Variants in TG observed in about 807,000 individuals in gnomAD.
The protein encoded by TG is thyroglobulin.
A neutral mutation model predicts 324.7 loss-of-function variants in TG; 270 were observed. That is an observed-to-expected ratio of 0.83 (90% CI 0.75 to 0.92). The LOEUF is 0.92. Among genes scored for constraint, TG ranks in the 40% least tolerant of loss-of-function variants. The pLI is 0.00. For synonymous variants in TG, 1,401 were observed against 1,327.0 expected (o/e 1.06, Z -1.21); for missense variants, 3,591 against 3,456.4 (o/e 1.04, Z -0.98).
chr8:133,090,536 G>A (rs1203714993), intron 41 of TG, among the ~76,000 whole-genome samples: 2 of 152,332 alleles, frequency 1.3e-5, no homozygotes, highest in Non-Finnish European at 1.5e-5. Flanking sequence ...GTCAGACAGC[G>A]CAAGGGACTT....
intron 35 of TG, among the ~76,000 whole-genome samples, chr8:132,991,744 C>G (rs145195081): frequency 6.6e-6 from 1 of 152,186 alleles, no homozygotes; most frequent in Admixed American, 6.5e-5. Context: ...GAACTCCACT[C>G]CCAAGCCAGG....
chr8:133,075,191 A>C (rs1454685945), intron 41 of TG: 2 of 897,874 alleles, frequency 2.2e-6, no homozygotes. Flanking sequence ...GGCCAGCTTA[A>C]CTCTGGATTC....
chr8:132,888,944 T>C (rs1013233262), intron 10 of TG, among the ~76,000 whole-genome samples: 1 of 152,226 alleles, frequency 6.6e-6, no homozygotes, highest in East Asian at 1.9e-4. Context: ...ATCGCTCCTA[T>C]GTTAGGTGTA....
chr8:133,106,572 G>A (rs771415820), intron 43 of TG: 65 of 496,896 alleles, frequency 1.3e-4, no homozygotes, highest in Middle Eastern at 1.0e-3. Context: ...CGTGGACCTC[G>A]CTGCTCCCCC....
intron 41 of TG, among the ~76,000 whole-genome samples, chr8:133,051,487 A>G (rs1338511266): frequency 6.6e-6 from 1 of 152,216 alleles, no homozygotes; most frequent in Non-Finnish European, 1.5e-5. Context: ...CTCTGAGGTT[A>G]AACAAAATAC....
In TG at chr8:133,023,868, G is replaced by T. The variant is rs62515997; in HGVS notation, c.7036+1718G>T. Among the ~76,000 whole-genome samples, 7 of 152,042 alleles carry T rather than the reference G, an allele frequency of 4.6e-5. No homozygotes were observed. The South Asian group carries it at 1.2e-3, about 27-fold the overall frequency. On this transcript the variant is annotated intron_variant, in intron 40 of 47. Transcript: ENST00000220616. ...GAGAGGCAAACTCATTTTGGCTGCCGGCAGGGGCAGCCTGTGGGAAGGAAA... is the reference window on the plus strand; with the variant it reads ...GAGAGGCAAACTCATTTTGGCTGCCTGCAGGGGCAGCCTGTGGGAAGGAAA...
At position 133,104,082 on chromosome 8, in the gene TG, G is replaced by T. The variant is rs188977351; in HGVS notation, c.7572+7709G>T. Among the ~76,000 whole-genome samples, 94 of 152,316 alleles carry T rather than the reference G, an allele frequency of 6.2e-4. 1 individual carries two copies. The highest frequency in any genetic ancestry group is 2.3e-3 in the African/African-American group (94 of 41,568). ...TGAGCAATGGGGAGCCAGCGATGGGGATTGAGGTACAGAGTGGGTGCAAAG... is the reference window on the plus strand; with the variant it reads ...TGAGCAATGGGGAGCCAGCGATGGGTATTGAGGTACAGAGTGGGTGCAAAG... On this transcript the variant is annotated intron_variant, in intron 43 of 47. Transcript: ENST00000220616.
chr8:132,882,561 C>G lies in TG; in HGVS notation c.838C>G (p.Leu280Val), dbSNP rs1347547998. 5 of 1,614,216 alleles carry G rather than the reference C, an allele frequency of 3.1e-6. No homozygotes were observed. Among genetic ancestry groups the G allele is most frequent in the Non-Finnish European group, 3.4e-6 (4 of 1,180,038 alleles). Residue 280 changes from leucine (L) to valine (V), a missense_variant, in exon 7 of 48, where the codon CTG (leucine) becomes GTG (valine). Coordinates refer to ENST00000220616, the MANE Select transcript of TG (RefSeq NM_003235.5). ...CACTGAAACCACCCTGTACCGGATA[C>G]TGCAGAGACGGTTCCTCGCAGTTCA... is the stretch of plus-strand genomic sequence containing the variant. ...TFTETTLYRI[L>V]QRRFLAVQSV...
chr8:132,956,247 T>TCATTCATTG (rs1286235759), intron 27 of TG, among the ~76,000 whole-genome samples: 4 of 152,182 alleles, frequency 2.6e-5, no homozygotes, highest in Non-Finnish European at 5.9e-5. Context: ...GCTCTGTGTA[T>TCATTCATTG]CATTCATTGT....
intron 27 of TG, among the ~76,000 whole-genome samples, chr8:132,953,095 A>G (rs1314962865): frequency 2.6e-5 from 4 of 152,214 alleles, no homozygotes; most frequent in Non-Finnish European, 5.9e-5. Context: ...GATATTGGGT[A>G]TTAATGCCTG....
chr8:132,906,970 G>A, intron 17 of TG, 70 bp downstream of exon 17: 1 of 1,490,674 alleles, frequency 6.7e-7, no homozygotes, highest in South Asian at 1.2e-5. Flanking sequence ...CCGAGATATG[G>A]AGGCGTGGCT....
chr8:132,913,021 C>G, intron 19 of TG, 26 bp from the exon 20 acceptor site: 1 of 1,610,978 alleles, frequency 6.2e-7, no homozygotes, highest in Non-Finnish European at 8.5e-7. Flanking sequence ...GTGGGGGTGA[C>G]CTCTACCTTA....
chr8:132,886,238 A>T (rs1053445281), intron 8 of TG, among the ~76,000 whole-genome samples: 1 of 152,184 alleles, frequency 6.6e-6, no homozygotes, highest in African/African-American at 2.4e-5. Flanking sequence ...TGGTCATGCC[A>T]ACTGGAAAAG....
At chr8:132,913,323 G>T in intron 20 of TG, 58 bp downstream of exon 20, 2 of 1,550,066 alleles carry the variant, frequency 1.3e-6, no homozygotes, top group Non-Finnish European at 8.9e-7. Context: ...TTTAGGAAAG[G>T]CCACCTCAGC....
intron 46 of TG, 117 bp downstream of exon 46, chr8:133,132,063 T>G: frequency 6.7e-7 from 1 of 1,484,362 alleles, no homozygotes; most frequent in Non-Finnish European, 9.3e-7. Context: ...CCGTAGACAC[T>G]ATAATCACCA....
At chr8:133,049,274 G>C in intron 41 of TG, 1 of 411,884 alleles carries the variant, frequency 2.4e-6, no homozygotes, top group Non-Finnish European at 4.9e-6. Flanking sequence ...TTTCAAGGAA[G>C]GCACATAAGC....
chr8:132,952,090 A>C (rs1377771988), intron 27 of TG, among the ~76,000 whole-genome samples: 1 of 152,188 alleles, frequency 6.6e-6, no homozygotes, highest in African/African-American at 2.4e-5. Context: ...CAGACTCTGG[A>C]ATCAGGCCCT....
intron 29 of TG, among the ~76,000 whole-genome samples, chr8:132,965,355 A>G (rs1828396160): frequency 6.6e-6 from 1 of 152,136 alleles, no homozygotes; most frequent in African/African-American, 2.4e-5. Context: ...GGTTCTTTCT[A>G]GTGAAGAAGC....
intron 20 of TG, among the ~76,000 whole-genome samples, chr8:132,915,101 A>G (rs1159372084): frequency 6.6e-6 from 1 of 152,138 alleles, no homozygotes; most frequent in Admixed American, 6.5e-5. Context: ...GTGTATGCAC[A>G]TGTGTATGTT....
Sources: allele counts gnomAD v4.1 joint callset (sites outside exome capture counted in the v4.1 genomes callset), GRCh38; gene constraint gnomAD v4.1.1; transcripts MANE v1.5; gene names NCBI Gene and HGNC (gene_info 2026-07-23, HGNC 2026-07-21).